Variants in GPHN observed in about 807,000 individuals in gnomAD.
GPHN encodes gephyrin.
In GPHN, 17 loss-of-function variants were observed where a neutral mutation model predicts 95.5. The ratio of observed to expected loss-of-function variants is 0.18; its 90% CI spans 0.12 to 0.27. The LOEUF is 0.27. GPHN is among the 10% of genes least tolerant of loss of function. The pLI, the probability that GPHN is intolerant of heterozygous loss-of-function variation, is 1.00. For synonymous variants in GPHN, 320 were observed against 322.5 expected (o/e 0.99, Z 0.08); for missense variants, 660 against 978.1 (o/e 0.67, Z 4.34).
chr14:67,317,449 A>G, the GPHN span: 1 of 1,611,790 alleles, frequency 6.2e-7, no homozygotes, highest in Non-Finnish European at 8.5e-7. Context: ...GAAGAGGAAA[A>G]AGGTTTTATA....
chr14:66,567,167 C>T lies in GPHN; in HGVS notation c.64+58576C>T, dbSNP rs535882360. ...TGAATAAGAAAACAGAAGCAGGTAC[C>T]GGAGCCAAATCCATCCCTAGAATTT... On this transcript the variant is annotated intron_variant, in intron 1 of 22. Coordinates refer to ENST00000478722, the MANE Select transcript of GPHN (RefSeq NM_020806.5). Among the ~76,000 whole-genome samples the T allele has an allele frequency of 2.0e-3, 306 of 152,166 alleles. 2 individuals carry two copies. Among genetic ancestry groups the T allele is most frequent in the African/African-American group, 7.2e-3 (297 of 41,508 alleles).
intron 2 of GPHN, among the ~76,000 whole-genome samples, chr14:66,684,507 C>T (rs1197130858): frequency 6.6e-6 from 1 of 152,148 alleles, no homozygotes; most frequent in South Asian, 2.1e-4. Flanking sequence ...CCTAAACTGA[C>T]TAATTCATAC....
At chr14:67,546,215 G>A in the GPHN span, among the ~76,000 whole-genome samples, 15 of 152,120 alleles carry the variant, frequency 9.9e-5, no homozygotes, top group Non-Finnish European at 1.9e-4. Flanking sequence ...GGGTAAAATT[G>A]GAGAGAATTA....
chr14:67,695,720 G>A, the GPHN span: 101 of 1,613,310 alleles, frequency 6.3e-5, no homozygotes, highest in Middle Eastern at 1.3e-3. Flanking sequence ...CGGCTGCAGC[G>A]GCACCAGAGC....
chr14:66,613,512 C>A (rs1267864973), intron 1 of GPHN, among the ~76,000 whole-genome samples: 1 of 152,042 alleles, frequency 6.6e-6, no homozygotes, highest in Non-Finnish European at 1.5e-5. Flanking sequence ...TGGTATGTTC[C>A]ACATCAGCTG....
At chr14:67,439,546 T>TTTC in the GPHN span, among the ~76,000 whole-genome samples, 140 of 58,876 alleles carry the variant, frequency 2.4e-3, no homozygotes, top group Admixed American at 4.8e-3. Flanking sequence ...TCTTTCTTTC[T>TTTC]TTCTTTCTTT....
chr14:66,701,645 G>A (rs532728765), intron 2 of GPHN, among the ~76,000 whole-genome samples: 1 of 152,300 alleles, frequency 6.6e-6, no homozygotes, highest in African/African-American at 2.4e-5. Context: ...TTTTTCCACG[G>A]AACTGTGCCA....
intron 11 of GPHN, among the ~76,000 whole-genome samples, chr14:67,077,140 T>G (rs775858584): frequency 2.0e-5 from 3 of 151,892 alleles, no homozygotes; most frequent in Non-Finnish European, 4.4e-5. Context: ...TTGTGGGTTT[T>G]GTTTTGTTTT....
At chr14:66,769,531 G>A (rs1425316589) in intron 2 of GPHN, among the ~76,000 whole-genome samples, 3 of 152,034 alleles carry the variant, frequency 2.0e-5, no homozygotes, top group Non-Finnish European at 4.4e-5. Context: ...ATGTGTTCAT[G>A]TGTTCTCATC....
chr14:67,275,109 A>C, the GPHN span, among the ~76,000 whole-genome samples: 1 of 152,126 alleles, frequency 6.6e-6, no homozygotes, highest in East Asian at 1.9e-4. Context: ...AATACCCTTT[A>C]TTTCTTTCTC....
chr14:66,823,979 G>A (rs1185799634), intron 3 of GPHN, among the ~76,000 whole-genome samples: 7 of 152,306 alleles, frequency 4.6e-5, no homozygotes, highest in Admixed American at 3.3e-4. Context: ...AAAGTCAGCA[G>A]ATGGAGATCC....
chr14:67,443,006 G>A, the GPHN span, among the ~76,000 whole-genome samples: 1 of 152,160 alleles, frequency 6.6e-6, no homozygotes, highest in Non-Finnish European at 1.5e-5. Context: ...GATTGCTTGA[G>A]CCCAAGGGCT....
intron 1 of GPHN, among the ~76,000 whole-genome samples, chr14:66,610,760 C>T (rs2062747253): frequency 6.6e-6 from 1 of 152,004 alleles, no homozygotes; most frequent in Non-Finnish European, 1.5e-5. Flanking sequence ...ACAACATGGG[C>T]AAGTGGGAAT....
At chr14:66,974,885 C>G (rs533123081) in intron 9 of GPHN, among the ~76,000 whole-genome samples, 1 of 152,038 alleles carries the variant, frequency 6.6e-6, no homozygotes, top group African/African-American at 2.4e-5. Context: ...AGTTACTTCA[C>G]CTCTATAACC....
intron 13 of GPHN, among the ~76,000 whole-genome samples, chr14:67,106,010 T>C (rs891963389): frequency 6.6e-6 from 1 of 152,168 alleles, no homozygotes; most frequent in Non-Finnish European, 1.5e-5. Context: ...TGCTTGTGTG[T>C]GTTTTTATGA....
At chr14:67,123,833 A>G (rs1195633527) in intron 17 of GPHN, among the ~76,000 whole-genome samples, 2 of 152,026 alleles carry the variant, frequency 1.3e-5, no homozygotes, top group African/African-American at 4.8e-5. Context: ...CTCATTAGCT[A>G]TCATTAATGT....
chr14:66,782,989 T>A (rs2059659571), intron 3 of GPHN, among the ~76,000 whole-genome samples: 3 of 152,076 alleles, frequency 2.0e-5, no homozygotes, highest in African/African-American at 7.2e-5. Flanking sequence ...TCCTGTATAT[T>A]CTGGACAGGA....
At chr14:66,522,820 G>T (rs554141276) in intron 1 of GPHN, among the ~76,000 whole-genome samples, 1 of 150,316 alleles carries the variant, frequency 6.7e-6, no homozygotes, top group South Asian at 2.1e-4. Flanking sequence ...CTGTTAAAAT[G>T]TTGACTGAAT....
the GPHN span, chr14:67,383,202 CAG>C: frequency 1.4e-5 from 16 of 1,183,928 alleles, no homozygotes; most frequent in East Asian, 3.5e-4. Flanking sequence ...ACAGATATGA[CAG>C]AGTTGTTAGA....
Sources: gnomAD v4.1 joint callset for allele counts (sites outside exome capture counted in the v4.1 genomes callset) on GRCh38, gnomAD v4.1.1 for gene constraint, MANE v1.5 for transcripts, NCBI Gene and HGNC (gene_info 2026-07-23, HGNC 2026-07-21) for gene names.